MNAT1: variants seen among roughly 807,000 people sequenced by gnomAD.
MNAT1 encodes CDK-activating kinase assembly factor MAT1.
Under a neutral mutation model 42.0 loss-of-function variants are expected in MNAT1, and 43 were observed. The observed-to-expected ratio is 1.02, with a 90% CI of 0.80 to 1.32. The LOEUF (loss-of-function observed/expected upper bound fraction) is 1.32. Ranked by LOEUF, MNAT1 falls within the 40% of genes most tolerant of loss-of-function variation. The probability of loss-of-function intolerance (pLI) is 0.00; values close to 1 mark genes in which losing one functional copy is unlikely to be tolerated. For synonymous variants in MNAT1, 118 were observed against 120.0 expected, an observed-to-expected ratio of 0.98 and a Z score of 0.11; for missense variants, 306 against 350.4, an observed-to-expected ratio of 0.87 and a Z score of 1.01.
chr14:60,768,679 A>G (rs1351952729), intron 1 of MNAT1, among the ~76,000 whole-genome samples: 1 of 152,160 alleles, frequency 6.6e-6, no homozygotes, highest in African/African-American at 2.4e-5. Flanking sequence ...TAATAACTCT[A>G]ATTGGTAGGT....
intron 1 of MNAT1, among the ~76,000 whole-genome samples, chr14:60,771,249 A>T (rs2031042976): frequency 6.6e-6 from 1 of 152,078 alleles, no homozygotes; most frequent in Non-Finnish European, 1.5e-5. Flanking sequence ...TAAAAAAAAA[A>T]TTCAGATGTG....
chr14:60,957,557 C>T (rs1217950412), intron 7 of MNAT1, among the ~76,000 whole-genome samples: 1 of 152,156 alleles, frequency 6.6e-6, no homozygotes, highest in Admixed American at 6.5e-5. Flanking sequence ...CCTCCCATGA[C>T]AGGTGGGAAT....
intron 5 of MNAT1, among the ~76,000 whole-genome samples, chr14:60,814,555 T>A (rs1223336260): frequency 6.6e-6 from 1 of 152,074 alleles, no homozygotes; most frequent in Non-Finnish European, 1.5e-5. Context: ...TATCCTATGA[T>A]TGGGGAAAAT....
chr14:60,779,482 G>A (rs191235386), intron 1 of MNAT1, among the ~76,000 whole-genome samples: 1 of 152,234 alleles, frequency 6.6e-6, no homozygotes, highest in East Asian at 1.9e-4. Flanking sequence ...AACAAAATAA[G>A]TAGAATCCTT....
At chr14:60,792,434 A>G (rs972758045) in intron 1 of MNAT1, among the ~76,000 whole-genome samples, 5 of 152,168 alleles carry the variant, frequency 3.3e-5, no homozygotes, top group African/African-American at 4.8e-5. Flanking sequence ...TTTAGTACAC[A>G]TGGGCTTAAG....
intron 6 of MNAT1, among the ~76,000 whole-genome samples, chr14:60,844,078 TC>T (rs2033619703): frequency 6.6e-6 from 1 of 152,172 alleles, no homozygotes; most frequent in African/African-American, 2.4e-5. Flanking sequence ...TTGTTGAAAA[TC>T]AATTGACTGC....
intron 1 of MNAT1, among the ~76,000 whole-genome samples, chr14:60,765,766 A>G (rs757226374): frequency 5.3e-5 from 8 of 152,174 alleles, no homozygotes; most frequent in African/African-American, 1.9e-4. Context: ...CCTCTAGGCA[A>G]TCTAAGACAT....
At chr14:60,808,853 A>G (rs1337291549) in intron 4 of MNAT1, 1 of 152,240 alleles carries the variant, frequency 6.6e-6, no homozygotes, top group Non-Finnish European at 1.5e-5. Flanking sequence ...CAAAAACACT[A>G]TTTATTAGAA....
chr14:60,941,565 G>A (rs1214502730), intron 7 of MNAT1, among the ~76,000 whole-genome samples: 1 of 151,936 alleles, frequency 6.6e-6, no homozygotes, highest in Non-Finnish European at 1.5e-5. Flanking sequence ...ACTTAGCCAG[G>A]TATGGTGGTA....
intron 7 of MNAT1, among the ~76,000 whole-genome samples, chr14:60,920,326 T>C (rs745741567): frequency 1.3e-5 from 2 of 152,350 alleles, no homozygotes; most frequent in African/African-American, 4.8e-5. Context: ...GGCTACTTTC[T>C]GCATCTTTAC....
chr14:60,832,751 T>G (rs1185997144), intron 6 of MNAT1, among the ~76,000 whole-genome samples: 1 of 152,142 alleles, frequency 6.6e-6, no homozygotes, highest in Non-Finnish European at 1.5e-5. Flanking sequence ...TAGGATTGAC[T>G]GTGAATTTCT....
chr14:60,909,366 T>G lies in MNAT1; in HGVS notation c.809+29531T>G, dbSNP rs541284444. ...GTCAATTTTGGCTTTTGTTGCCATT[T>G]TTTTTGGTGTTTTAAACATGAAGTC... is the stretch of plus-strand genomic sequence containing the variant. On this transcript the variant is annotated intron_variant, in intron 7 of 7. Coordinates refer to ENST00000261245, the MANE Select transcript of MNAT1 (RefSeq NM_002431.4). Among the ~76,000 whole-genome samples the G allele has an allele frequency of 6.7e-3, 1,020 of 152,220 alleles. 9 individuals are homozygous for G. Among genetic ancestry groups the G allele is most frequent in the African/African-American group, 0.023 (937 of 41,536 alleles).
chr14:60,769,576 A>C (rs1290486961), intron 1 of MNAT1, among the ~76,000 whole-genome samples: 3 of 152,048 alleles, frequency 2.0e-5, no homozygotes, highest in Non-Finnish European at 2.9e-5. Context: ...GAGCCACTGC[A>C]CCTGGCTAAG....
At chr14:60,938,845 G>A (rs1038257549) in intron 7 of MNAT1, among the ~76,000 whole-genome samples, 2 of 152,296 alleles carry the variant, frequency 1.3e-5, no homozygotes, top group African/African-American at 4.8e-5. Flanking sequence ...GAATTCAGCT[G>A]TGAATCCCTC....
chr14:60,889,049 A>G (rs1427634528), intron 7 of MNAT1, among the ~76,000 whole-genome samples: 1 of 149,506 alleles, frequency 6.7e-6, no homozygotes, highest in Non-Finnish European at 1.5e-5. Flanking sequence ...ATTCAATGCC[A>G]TCCCCATCAA....
At chr14:60,854,854 G>T (rs779913793) in intron 6 of MNAT1, among the ~76,000 whole-genome samples, 3 of 152,136 alleles carry the variant, frequency 2.0e-5, no homozygotes, top group African/African-American at 4.8e-5. Flanking sequence ...CTCTTGTCAG[G>T]ATCAGCTGCC....
intron 1 of MNAT1, among the ~76,000 whole-genome samples, chr14:60,787,365 C>T (rs1056715742): frequency 6.6e-6 from 1 of 152,268 alleles, no homozygotes; most frequent in Non-Finnish European, 1.5e-5. Context: ...ATATACTTTA[C>T]TGCTAAAAAT....
At chr14:60,940,265 T>C (rs1275282256) in intron 7 of MNAT1, among the ~76,000 whole-genome samples, 1 of 152,236 alleles carries the variant, frequency 6.6e-6, no homozygotes, top group Admixed American at 6.5e-5. Context: ...GTGAATTTGA[T>C]CCTGTCAGTA....
At chr14:60,922,835 G>A (rs918921524) in intron 7 of MNAT1, among the ~76,000 whole-genome samples, 1 of 152,174 alleles carries the variant, frequency 6.6e-6, no homozygotes, top group Non-Finnish European at 1.5e-5. Context: ...AGGAGATTTT[G>A]TGTCAGTCTT....
Sources: allele counts gnomAD v4.1 joint callset (sites outside exome capture counted in the v4.1 genomes callset), GRCh38; gene constraint gnomAD v4.1.1; transcripts MANE v1.5; gene names NCBI Gene and HGNC (gene_info 2026-07-23, HGNC 2026-07-21).